The following CYTH4 variants were observed in gnomAD, a reference collection of about 807,000 sequenced individuals.
The protein encoded by CYTH4 is cytohesin-4.
Under a neutral mutation model 57.5 loss-of-function variants are expected in CYTH4, and 22 were observed. That is an observed-to-expected ratio of 0.38 (90% CI 0.27 to 0.55). The LOEUF is 0.55. CYTH4 is among the 20% of genes least tolerant of loss of function. CYTH4 has a pLI of 0.74. For synonymous variants in CYTH4, 186 were observed against 206.5 expected, an observed-to-expected ratio of 0.90 and a Z score of 0.85; for missense variants, 420 against 535.6, an observed-to-expected ratio of 0.78 and a Z score of 2.13.
chr22:37,314,439 G>C lies in CYTH4; in HGVS notation c.*928G>C. 1 of 398,762 alleles carries C rather than the reference G, an allele frequency of 2.5e-6. No individual in the cohort carries two copies. Among genetic ancestry groups the C allele is most frequent in the Non-Finnish European group, 4.4e-6 (1 of 226,150 alleles). The allele number at this position is 398,762 out of a possible 1,614,324, so 24.7% of individuals were successfully genotyped here. A position where few individuals can be genotyped will look rare whatever the true frequency, so the allele number is the denominator to read the frequency against. On this transcript the variant is annotated 3_prime_UTR_variant, in exon 13 of 13. Coordinates refer to ENST00000248901, the MANE Select transcript of CYTH4 (RefSeq NM_013385.5). ...GTGCTATATCCAAGAAGCCAAGAAG[G>C]GAGAGTTTCGTGCACTGTGGTTAAC...
intron 8 of CYTH4, among the ~76,000 whole-genome samples, chr22:37,308,542 ATG>A (rs200504460): frequency 6.7e-6 from 1 of 148,612 alleles, no homozygotes; most frequent in Non-Finnish European, 1.5e-5. Context: ...GAGTGTGTGT[ATG>A]TGTGTAAGTG....
At chr22:37,287,085 A>T (rs2145853862) in intron 1 of CYTH4, among the ~76,000 whole-genome samples, 1 of 152,138 alleles carries the variant, frequency 6.6e-6, no homozygotes, top group Non-Finnish European at 1.5e-5. Context: ...GAGGATGGGG[A>T]GGAGGGGGCA....
rs1162167374 is a variant in CYTH4, at chr22:37,295,145, C to T, written c.167+421C>T. Among the ~76,000 whole-genome samples, 3 of 152,226 alleles carry T rather than the reference C, an allele frequency of 2.0e-5. No homozygotes were observed. Among genetic ancestry groups the T allele is most frequent in the African/African-American group, 2.4e-5 (1 of 41,522 alleles). ...CTCACCACTAACCCCGGGCCAGCCA[C>T]GCCCACCGCCTCTGTGGAAAACTCC... is the stretch of plus-strand genomic sequence containing the variant. On this transcript the variant is annotated intron_variant, in intron 3 of 12. Transcript: ENST00000248901. This position sits in a 1 kb window ranked among gnomAD's most constrained non-coding sequence, Gnocchi z 4.1.
chr22:37,286,716 T>A, intron 1 of CYTH4, among the ~76,000 whole-genome samples: 1 of 149,690 alleles, frequency 6.7e-6, no homozygotes, highest in Non-Finnish European at 1.5e-5. Flanking sequence ...CTCAGGGGAG[T>A]GAATGAAGGG....
chr22:37,312,348 C>A (rs1219216408), intron 12 of CYTH4, among the ~76,000 whole-genome samples, 174 bp downstream of exon 12: 1 of 152,236 alleles, frequency 6.6e-6, no homozygotes, highest in Non-Finnish European at 1.5e-5. Flanking sequence ...TGCCTGGCAC[C>A]AGGCCAGGCC....
Position 37,295,521 on chromosome 22 carries a change from G to A in CYTH4, c.168-478G>A, listed in dbSNP as rs994040599. ...AACAATGACAACATAACACACCTACGCCTCACTGTTTTAGGTGCTTTAACC... is the reference window on the plus strand; with the variant it reads ...AACAATGACAACATAACACACCTACACCTCACTGTTTTAGGTGCTTTAACC... On this transcript the variant is annotated intron_variant, in intron 3 of 12. Coordinates refer to ENST00000248901, the MANE Select transcript of CYTH4 (RefSeq NM_013385.5). The surrounding 1 kb of genome is among the most constrained non-coding windows in gnomAD (Gnocchi z 4.1). 6.6e-5 allele frequency among the ~76,000 whole-genome samples: 10 copies of A among 152,018 alleles called. No individual in the cohort carries two copies. The highest frequency in any genetic ancestry group is 2.4e-4 in the African/African-American group (10 of 41,374).
In CYTH4 at chr22:37,293,029, C is replaced by T. The variant is rs191607436; in HGVS notation, c.102+326C>T. Among the ~76,000 whole-genome samples the T allele has an allele frequency of 4.5e-3, 685 of 152,356 alleles. 1 individual carries two copies. Among genetic ancestry groups the T allele is most frequent in the Non-Finnish European group, 6.8e-3 (462 of 68,038 alleles). ...AAGCTTCAGCCAGGTCTCACCCCTG[C>T]AGAGTGTAGACCACCTGGTCAAGAT... On this transcript the variant is annotated intron_variant, in intron 2 of 12. Coordinates refer to ENST00000248901, the MANE Select transcript of CYTH4 (RefSeq NM_013385.5).
At position 37,313,388 on chromosome 22, in the gene CYTH4, C is replaced by T. The variant is rs181700405; in HGVS notation, c.1113-51C>T. 5.1e-5 allele frequency: 81 copies of T among 1,576,986 alleles called. No homozygotes were observed. In the East Asian group the frequency reaches 8.9e-4, roughly 17 times the overall value. Reference sequence around the variant, plus strand: ...CTGATACAAGCCCTGGGAGAGCAGACCACCTTGACGGCCAGTCCAGCCCTG... The same window carrying T: ...CTGATACAAGCCCTGGGAGAGCAGATCACCTTGACGGCCAGTCCAGCCCTG... On this transcript the variant is annotated intron_variant, in intron 12 of 12. Transcript: ENST00000248901.
chr22:37,297,463 C>G (rs555017922), intron 4 of CYTH4, 101 bp from the exon 5 acceptor site: 1 of 1,032,292 alleles, frequency 9.7e-7, no homozygotes, highest in African/African-American at 1.6e-5. Context: ...ACCAGAATGC[C>G]AGGCTCCAGG....
chr22:37,307,203 C>T (rs1430595433), intron 8 of CYTH4, among the ~76,000 whole-genome samples: 1 of 152,200 alleles, frequency 6.6e-6, no homozygotes. Context: ...CTGGTGTTTA[C>T]AGGGGACAGG....
intron 1 of CYTH4, 54 bp from the exon 2 acceptor site, chr22:37,292,567 C>A: frequency 6.3e-7 from 1 of 1,583,082 alleles, no homozygotes; most frequent in Non-Finnish European, 8.7e-7. Flanking sequence ...GAAGTGAGGG[C>A]AAGTGGGTGT....
In CYTH4 at chr22:37,289,705, T is replaced by C. The variant is rs913445402; in HGVS notation, c.20-2916T>C. ...TTACTATTGGGCTCGCTTGACCTTC[T>C]GACTTAGTGGGACAGATGGAGCCAT... On this transcript the variant is annotated intron_variant, in intron 1 of 12. Coordinates refer to ENST00000248901, the MANE Select transcript of CYTH4 (RefSeq NM_013385.5). Among the ~76,000 whole-genome samples the C allele has an allele frequency of 2.0e-5, 3 of 152,216 alleles. 1 individual carries two copies. The highest frequency in any genetic ancestry group is 1.3e-4 in the Admixed American group (2 of 15,282).
intron 1 of CYTH4, among the ~76,000 whole-genome samples, chr22:37,288,026 C>G (rs1928614655): frequency 1.3e-5 from 2 of 152,156 alleles, no homozygotes. Flanking sequence ...CACCTGTAAT[C>G]CCAGGACTTT....
At chr22:37,309,590 A>T (rs1371979417) in intron 9 of CYTH4, among the ~76,000 whole-genome samples, 2 of 152,160 alleles carry the variant, frequency 1.3e-5, no homozygotes, top group African/African-American at 4.8e-5. Context: ...ACCCACTGAC[A>T]AATGCTTCAG....
Position 37,304,381 on chromosome 22 carries a change from G to A in CYTH4, c.696+979G>A, listed in dbSNP as rs1378037012. 22 of 421,316 alleles carry A rather than the reference G, an allele frequency of 5.2e-5. No homozygotes were observed. In the Admixed American group the frequency reaches 5.4e-4, roughly 10 times the overall value. The allele number at this position is 421,316 out of a possible 1,614,324, so 26.1% of individuals were successfully genotyped here. A position where few individuals can be genotyped will look rare whatever the true frequency, so the allele number is the denominator to read the frequency against. On this transcript the variant is annotated intron_variant, in intron 8 of 12. Coordinates refer to ENST00000248901, the MANE Select transcript of CYTH4 (RefSeq NM_013385.5). ...TCAGGAGTTTGCCTGTTTCCTATGG[G>A]CCACAGGGAGCCAGGGGGTATTCAT...
At chr22:37,308,006 G>C (rs1267894836) in intron 8 of CYTH4, among the ~76,000 whole-genome samples, 4 of 152,210 alleles carry the variant, frequency 2.6e-5, no homozygotes, top group African/African-American at 9.7e-5. Context: ...TGCCAGAAAG[G>C]CTTCCGTGGA....
intron 7 of CYTH4, among the ~76,000 whole-genome samples, chr22:37,301,357 G>C (rs1367069970): frequency 6.6e-6 from 1 of 152,186 alleles, no homozygotes; most frequent in East Asian, 1.9e-4. Context: ...TGAAGGATGA[G>C]TAGGAGTTTT....
intron 6 of CYTH4, among the ~76,000 whole-genome samples, chr22:37,299,528 A>AGTT (rs1929106697): frequency 6.6e-6 from 1 of 152,238 alleles, no homozygotes. Context: ...CTGCCTTCTT[A>AGTT]GTTAGAATTC....
chr22:37,293,141 T>C (rs1311170850), intron 2 of CYTH4, among the ~76,000 whole-genome samples: 1 of 152,226 alleles, frequency 6.6e-6, no homozygotes, highest in Non-Finnish European at 1.5e-5. Flanking sequence ...TGAGACAGGC[T>C]GGGTTCTGTT....
Sources: allele counts gnomAD v4.1 joint callset (sites outside exome capture counted in the v4.1 genomes callset), GRCh38; gene constraint gnomAD v4.1.1; non-coding constraint Gnocchi (gnomAD v3.1); transcripts MANE v1.5; gene names NCBI Gene and HGNC (gene_info 2026-07-23, HGNC 2026-07-21).